TLE1: variants seen among roughly 807,000 people sequenced by gnomAD.
TLE1 encodes TLE family member 1, transcriptional corepressor, also known as transducin-like enhancer protein 1.
TLE1 carries 21 observed loss-of-function variants against 89.8 expected under a neutral mutation model. The observed-to-expected ratio is 0.23, with a 90% confidence interval of 0.17 to 0.34. The LOEUF (loss-of-function observed/expected upper bound fraction) is 0.34. Ranked by LOEUF, TLE1 falls within the 10% of genes least tolerant of loss-of-function variation. The pLI is 1.00. For synonymous variants in TLE1, 447 were observed against 407.6 expected, an observed-to-expected ratio of 1.10 and a Z score of -1.16; for missense variants, 795 against 1,031.2, an observed-to-expected ratio of 0.77 and a Z score of 3.14.
Position 81,591,060 on chromosome 9 carries a change from A to G in TLE1, c.1582-8T>C, listed in dbSNP as rs781493967. ...GATATAATTGTCTCTGTTCTGTAGAATAAACATAATTCATTGCTATAATGA... is the reference window on the plus strand; with the variant it reads ...GATATAATTGTCTCTGTTCTGTAGAGTAAACATAATTCATTGCTATAATGA... On this transcript the variant is annotated splice_region_variant and splice_polypyrimidine_tract_variant and intron_variant, in intron 15 of 19. Coordinates refer to ENST00000376499, the MANE Select transcript of TLE1 (RefSeq NM_005077.5). 6.2e-7 allele frequency: 1 copy of G among 1,608,150 alleles called. No homozygotes were observed. The highest frequency in any genetic ancestry group is 8.5e-7 in the Non-Finnish European group (1 of 1,175,078).
chr9:81,585,418 C>A, intron 18 of TLE1, 87 bp downstream of exon 18: 1 of 1,509,762 alleles, frequency 6.6e-7, no homozygotes. Context: ...ACATTTTTTC[C>A]AGATTATGAT....
At chr9:81,655,440 C>T (rs1394301239) in intron 4 of TLE1, among the ~76,000 whole-genome samples, 1 of 152,056 alleles carries the variant, frequency 6.6e-6, no homozygotes, top group Non-Finnish European at 1.5e-5. Context: ...CTACAAGGGA[C>T]AAAAACTGGC....
chr9:81,613,544 A>G (rs750216605), intron 11 of TLE1, 23 bp from the exon 12 acceptor site: 12 of 1,612,644 alleles, frequency 7.4e-6, no homozygotes, highest in South Asian at 3.3e-5. Flanking sequence ...AACAAATTAA[A>G]TGAGTATTAT....
At chr9:81,662,361 T>TTTTG (rs1290826547) in intron 4 of TLE1, among the ~76,000 whole-genome samples, 9 of 138,470 alleles carry the variant, frequency 6.5e-5, no homozygotes, top group East Asian at 4.3e-4. Flanking sequence ...TGTGCCTGTT[T>TTTTG]TGTGTGTGTG....
chr9:81,634,107 C>T lies in TLE1; in HGVS notation c.567G>A (p.Glu189=). The T allele has an allele frequency of 6.2e-7, 1 of 1,608,148 alleles. No homozygotes were observed. Among genetic ancestry groups the T allele is most frequent in the Non-Finnish European group, 8.5e-7 (1 of 1,176,880 alleles). ...IKDDKKHHDA[E]HHRDREPGTS... ...TGCCCGGCCTCTCACCTCTGTGGTGCTCTGCATCGTGGTGCTTCTTGTCAT... is the reference window on the plus strand; with the variant it reads ...TGCCCGGCCTCTCACCTCTGTGGTGTTCTGCATCGTGGTGCTTCTTGTCAT... The change falls in exon 7 of 20, where the codon GAG becomes GAA. Residue 189 remains glutamate, a synonymous_variant. Transcript: ENST00000376499.
At chr9:81,594,432 A>T (rs1300483110) in intron 14 of TLE1, among the ~76,000 whole-genome samples, 1 of 152,196 alleles carries the variant, frequency 6.6e-6, no homozygotes, top group Non-Finnish European at 1.5e-5. Context: ...TAACACAGGA[A>T]CAGAAAACCA....
intron 4 of TLE1, among the ~76,000 whole-genome samples, chr9:81,669,931 A>T (rs916259942): frequency 2.6e-4 from 40 of 152,288 alleles, no homozygotes; most frequent in African/African-American, 9.6e-4. Flanking sequence ...ATGTCAAACA[A>T]CATCGTGTCA....
intron 8 of TLE1, among the ~76,000 whole-genome samples, chr9:81,627,005 A>G (rs1395981878): frequency 6.6e-6 from 1 of 152,236 alleles, no homozygotes; most frequent in Non-Finnish European, 1.5e-5. Context: ...AGAGCTGCTC[A>G]GCTGTTTCTG....
intron 1 of TLE1, among the ~76,000 whole-genome samples, chr9:81,687,659 G>A (rs972484394): frequency 2.6e-5 from 4 of 152,196 alleles, no homozygotes; most frequent in East Asian, 3.9e-4. Context: ...AGTCTCCAGG[G>A]CGGATTGCGC....
intron 6 of TLE1, among the ~76,000 whole-genome samples, chr9:81,636,280 G>T (rs1005908431): frequency 2.0e-5 from 3 of 152,054 alleles, no homozygotes; most frequent in African/African-American, 7.2e-5. Flanking sequence ...ACATAAAACT[G>T]AAGAAGCTTG....
At position 81,681,481 on chromosome 9, in the gene TLE1, C is replaced by T. The variant is rs541286042; in HGVS notation, c.234+4195G>A. Among the ~76,000 whole-genome samples the T allele has an allele frequency of 2.0e-5, 3 of 151,358 alleles. No individual in the cohort carries two copies. In the East Asian group the frequency reaches 5.9e-4, roughly 30 times the overall value. On this transcript the variant is annotated intron_variant, in intron 4 of 19. Transcript: ENST00000376499. ...AGGAGAATCGCTTGAACCTGGGAGGCGGAGGTTGCAGTGAGCCGAGACTGT... is the reference window on the plus strand; with the variant it reads ...AGGAGAATCGCTTGAACCTGGGAGGTGGAGGTTGCAGTGAGCCGAGACTGT...
chr9:81,585,432 T>C (rs367782437), intron 18 of TLE1, 73 bp downstream of exon 18: 28 of 1,562,552 alleles, frequency 1.8e-5, no homozygotes, highest in African/African-American at 9.5e-5. Context: ...TTATGATCTC[T>C]ACCATATTTT....
At chr9:81,652,138 C>CACACACAT in intron 6 of TLE1, 76 bp downstream of exon 6, 2 of 1,417,548 alleles carry the variant, frequency 1.4e-6, no homozygotes, top group Non-Finnish European at 2.0e-6. Flanking sequence ...CACACACACA[C>CACACACAT]GTAAAGCCAT....
In TLE1 at chr9:81,613,500, C is replaced by T. The variant is rs774435658; in HGVS notation, c.940G>A (p.Val314Ile). ...GGCGTTGGTGTGCTGGATTTCAGAA[C>T]AGGCGTGCTGGCTTTTTCATGCTGG... Reference protein sequence around the residue: ...MSLHEKASTPVLKSSTPTPRS... With the variant: ...MSLHEKASTPILKSSTPTPRS... Residue 314 changes from valine (V) to isoleucine (I), a missense_variant, in exon 12 of 20, where the codon GTT becomes ATT. Coordinates refer to ENST00000376499, the MANE Select transcript of TLE1 (RefSeq NM_005077.5). The T allele has an allele frequency of 1.9e-6, 3 of 1,614,100 alleles. No homozygotes were observed. The highest frequency in any genetic ancestry group is 2.5e-6 in the Non-Finnish European group (3 of 1,180,060).
intron 8 of TLE1, among the ~76,000 whole-genome samples, chr9:81,624,484 T>G (rs1825677355): frequency 6.6e-6 from 1 of 152,186 alleles, no homozygotes; most frequent in African/African-American, 2.4e-5. Context: ...TTGAAAGATT[T>G]TAATCTACCA....
At chr9:81,591,290 G>C (rs567339026) in intron 15 of TLE1, among the ~76,000 whole-genome samples, 1 of 152,274 alleles carries the variant, frequency 6.6e-6, no homozygotes, top group East Asian at 1.9e-4. Flanking sequence ...TCACAGAGCT[G>C]AAACTATCTA....
intron 8 of TLE1, 49 bp downstream of exon 8, chr9:81,633,287 CCGTGTGTGTGTG>C (rs747212460): frequency 4.7e-6 from 7 of 1,490,444 alleles, no homozygotes; most frequent in East Asian, 4.6e-5. Flanking sequence ...CAGAAGGGGA[CCGTGTGTGTGTG>C]TGTGTGTGTG....
intron 6 of TLE1, among the ~76,000 whole-genome samples, chr9:81,644,389 AAG>A (rs1340882383): frequency 6.6e-6 from 1 of 152,246 alleles, no homozygotes; most frequent in African/African-American, 2.4e-5. Flanking sequence ...TGTCAATAAA[AAG>A]GACTAAAATA....
intron 8 of TLE1, among the ~76,000 whole-genome samples, chr9:81,622,533 T>C (rs890900797): frequency 9.9e-5 from 15 of 152,232 alleles, no homozygotes; most frequent in Admixed American, 9.2e-4. Context: ...CAATTTCTGT[T>C]AGAAACAATA....
Sources: allele counts gnomAD v4.1 joint callset (sites outside exome capture counted in the v4.1 genomes callset), GRCh38; gene constraint gnomAD v4.1.1; transcripts MANE v1.5; gene names NCBI Gene and HGNC (gene_info 2026-07-23, HGNC 2026-07-21).